The following CEP63 variants were observed in gnomAD, a reference collection of about 807,000 sequenced individuals.
CEP63 encodes centrosomal protein 63, also known as centrosomal protein of 63 kDa.
CEP63 carries 84 observed loss-of-function variants against 89.1 expected under a neutral mutation model. That is an observed-to-expected ratio of 0.94 (90% CI 0.79 to 1.13). The LOEUF (loss-of-function observed/expected upper bound fraction) is 1.13. Among genes scored for constraint, CEP63 ranks in the 50% most tolerant of loss-of-function variants. The pLI is 0.00. For synonymous variants in CEP63, 267 were observed against 272.5 expected (o/e 0.98, Z 0.20); for missense variants, 838 against 813.3 (o/e 1.03, Z -0.37).
At chr3:134,553,384 A>G (rs1955354279) in intron 12 of CEP63, 1 of 152,174 alleles carries the variant, frequency 6.6e-6, no homozygotes, top group Non-Finnish European at 1.5e-5. Flanking sequence ...AGGCCCTATT[A>G]AAAAAGACTA....
the CEP63 span, among the ~76,000 whole-genome samples, chr3:134,665,299 A>G: frequency 2.0e-5 from 3 of 152,150 alleles, no homozygotes; most frequent in Admixed American, 2.0e-4. Flanking sequence ...ATCTGGGGAA[A>G]GGCTACTGCA....
the CEP63 span, among the ~76,000 whole-genome samples, chr3:134,722,329 C>A: frequency 6.8e-6 from 1 of 147,998 alleles, no homozygotes; most frequent in South Asian, 2.1e-4. Context: ...GTACAGTATT[C>A]TCCTATACTG....
At chr3:134,690,348 G>A in the CEP63 span, among the ~76,000 whole-genome samples, 1 of 152,164 alleles carries the variant, frequency 6.6e-6, no homozygotes, top group Non-Finnish European at 1.5e-5. Flanking sequence ...TGTTATGGAA[G>A]TTTCTAAAAG....
chr3:134,559,316 TC>T lies in CEP63; in HGVS notation c.1842del (p.Tyr615ThrfsTer13), dbSNP rs1560049673. 1 of 1,614,162 alleles carries T rather than the reference TC, an allele frequency of 6.2e-7. No homozygotes were observed. The highest frequency in any genetic ancestry group is 8.5e-7 in the Non-Finnish European group (1 of 1,180,020). Reference sequence around the variant, plus strand: ...TTGCAGCTCCACCAGGTCTTTGACTTCCTACTCTCTATGTAAAACTCATTCT... The same window carrying T: ...TTGCAGCTCCACCAGGTCTTTGACTTCTACTCTCTATGTAAAACTCATTCT... ...SPCSSTRSLT[S>X]YSLCKTHSLP... On this transcript the variant is annotated frameshift_variant, in exon 14 of 15. Transcript: ENST00000675561. LOFTEE classifies it high-confidence loss of function.
the CEP63 span, among the ~76,000 whole-genome samples, chr3:134,767,362 T>C: frequency 3.3e-5 from 5 of 152,158 alleles, no homozygotes; most frequent in African/African-American, 9.7e-5. Flanking sequence ...ACTGTTTCAA[T>C]TGGTTAATAT....
At chr3:134,487,349 TAG>T (rs1372399882) in intron 1 of CEP63, among the ~76,000 whole-genome samples, 8 of 152,074 alleles carry the variant, frequency 5.3e-5, no homozygotes, top group Admixed American at 5.2e-4. Flanking sequence ...GAAACTAAAT[TAG>T]AGTAGAGATT....
intron 3 of CEP63, among the ~76,000 whole-genome samples, chr3:134,520,320 C>G (rs1947167741): frequency 1.3e-5 from 2 of 151,998 alleles, no homozygotes; most frequent in East Asian, 1.9e-4. Flanking sequence ...ATACCCTTGA[C>G]AAGAGTATCA....
chr3:134,492,755 G>T (rs1448621201), intron 1 of CEP63, among the ~76,000 whole-genome samples: 1 of 151,964 alleles, frequency 6.6e-6, no homozygotes, highest in Non-Finnish European at 1.5e-5. Flanking sequence ...CAAAAGATAG[G>T]CTGATATATT....
chr3:134,725,137 T>A, the CEP63 span, among the ~76,000 whole-genome samples: 1,050 of 152,324 alleles, frequency 6.9e-3, 7 homozygotes, highest in Non-Finnish European at 0.01. Flanking sequence ...GAAATTTTTT[T>A]AAAATATATA....
chr3:134,740,620 C>T, the CEP63 span, among the ~76,000 whole-genome samples: 1 of 152,162 alleles, frequency 6.6e-6, no homozygotes, highest in Non-Finnish European at 1.5e-5. Flanking sequence ...TCCTGTCCTA[C>T]ATCCGACCTT....
the CEP63 span, among the ~76,000 whole-genome samples, chr3:134,779,349 A>G: frequency 6.6e-6 from 1 of 152,058 alleles, no homozygotes; most frequent in African/African-American, 2.4e-5. Context: ...ATACACCATG[A>G]TTTATTTTTC....
At chr3:134,699,233 GA>G in the CEP63 span, among the ~76,000 whole-genome samples, 5 of 152,212 alleles carry the variant, frequency 3.3e-5, no homozygotes, top group Admixed American at 2.6e-4. Context: ...GTTGTTAAAT[GA>G]ATGACTAAAG....
chr3:134,634,522 A>G, the CEP63 span, among the ~76,000 whole-genome samples: 1 of 152,230 alleles, frequency 6.6e-6, no homozygotes, highest in Non-Finnish European at 1.5e-5. Context: ...ATTTTACTAT[A>G]AAAGAGATTT....
At chr3:134,622,548 G>A in the CEP63 span, among the ~76,000 whole-genome samples, 1 of 152,176 alleles carries the variant, frequency 6.6e-6, no homozygotes, top group African/African-American at 2.4e-5. Context: ...ATTACCAGGG[G>A]CTGGGGGAGG....
At chr3:134,531,306 C>T (rs976685873) in intron 3 of CEP63, among the ~76,000 whole-genome samples, 1 of 151,950 alleles carries the variant, frequency 6.6e-6, no homozygotes. Flanking sequence ...CAGTTTCGGC[C>T]GGGCGCGATG....
At chr3:134,603,430 C>A in the CEP63 span, 1 of 687,088 alleles carries the variant, frequency 1.5e-6, no homozygotes, top group Non-Finnish European at 2.4e-6. Context: ...GATCACAGCT[C>A]CTGTGGCAGA....
chr3:134,588,163 C>T (rs142820024), downstream of CEP63, among the ~76,000 whole-genome samples: 1,825 of 152,076 alleles, frequency 0.012, 35 homozygotes, highest in African/African-American at 0.04. Context: ...TGTGGTGGCA[C>T]GTACCTGTAA....
the CEP63 span, among the ~76,000 whole-genome samples, chr3:134,652,109 C>T: frequency 6.6e-6 from 1 of 152,138 alleles, no homozygotes; most frequent in Non-Finnish European, 1.5e-5. Context: ...GTACCAGCTC[C>T]ATCACTTCCT....
intron 5 of CEP63, 179 bp from the exon 6 acceptor site, chr3:134,536,970 AGTATGT>A: frequency 1.6e-6 from 1 of 612,114 alleles, no homozygotes; most frequent in African/African-American, 1.8e-5. Context: ...CCAGAGGCAC[AGTATGT>A]GAGGAAGTTA....
Sources: gnomAD v4.1 joint callset for allele counts (sites outside exome capture counted in the v4.1 genomes callset) on GRCh38, gnomAD v4.1.1 for gene constraint, MANE v1.5 for transcripts, NCBI Gene and HGNC (gene_info 2026-07-23, HGNC 2026-07-21) for gene names.